The following QTMAN variants were observed in gnomAD, a reference collection of about 807,000 sequenced individuals.
QTMAN encodes the protein tRNA-queuosine alpha-mannosyltransferase.
chr2:144,227,663 G>A, the QTMAN span, among the ~76,000 whole-genome samples: 14 of 152,128 alleles, frequency 9.2e-5, no homozygotes, highest in Non-Finnish European at 1.9e-4. Flanking sequence ...CAACACATAT[G>A]CACTAACTGT....
the QTMAN span, among the ~76,000 whole-genome samples, chr2:144,298,009 G>A: frequency 6.6e-6 from 1 of 151,510 alleles, no homozygotes; most frequent in Non-Finnish European, 1.5e-5. Flanking sequence ...CGACTACATA[G>A]AAGAATATTT....
At chr2:144,144,741 T>C in the QTMAN span, among the ~76,000 whole-genome samples, 4 of 151,964 alleles carry the variant, frequency 2.6e-5, no homozygotes, top group Non-Finnish European at 5.9e-5. Flanking sequence ...GCCATTTTTC[T>C]ATGTCAACTA....
At chr2:144,219,389 C>G in the QTMAN span, among the ~76,000 whole-genome samples, 1 of 152,274 alleles carries the variant, frequency 6.6e-6, no homozygotes, top group Non-Finnish European at 1.5e-5. Flanking sequence ...TCTCGGCCTC[C>G]CAAAGTGCTG....
the QTMAN span, among the ~76,000 whole-genome samples, chr2:144,276,215 A>T: frequency 2.1e-3 from 321 of 149,378 alleles, no homozygotes; most frequent in African/African-American, 6.0e-3. Context: ...GGTTTTTTTT[A>T]AAAAAAAAAG....
At chr2:144,098,903 C>T in the QTMAN span, among the ~76,000 whole-genome samples, 1 of 150,986 alleles carries the variant, frequency 6.6e-6, no homozygotes. Context: ...AGTGATGGTG[C>T]TACAGCTCCG....
chr2:144,301,823 G>A, the QTMAN span, among the ~76,000 whole-genome samples: 2 of 152,184 alleles, frequency 1.3e-5, no homozygotes, highest in African/African-American at 4.8e-5. Context: ...TCCTCCAGGA[G>A]GCATGTCTTC....
chr2:143,999,356 AT>A, the QTMAN span, among the ~76,000 whole-genome samples: 1 of 151,876 alleles, frequency 6.6e-6, no homozygotes, highest in African/African-American at 2.4e-5. Flanking sequence ...GAGAAATATA[AT>A]GATGACTACC....
chr2:144,015,137 A>G, the QTMAN span, among the ~76,000 whole-genome samples: 3 of 152,214 alleles, frequency 2.0e-5, no homozygotes, highest in African/African-American at 7.2e-5. Flanking sequence ...TGAGAATAAG[A>G]AAAGCTACCT....
At chr2:144,040,544 A>G in the QTMAN span, among the ~76,000 whole-genome samples, 1 of 152,288 alleles carries the variant, frequency 6.6e-6, no homozygotes, top group Non-Finnish European at 1.5e-5. Context: ...AGTGAGCTAT[A>G]TACGTCGCTA....
At chr2:144,053,473 T>C in the QTMAN span, among the ~76,000 whole-genome samples, 1 of 152,224 alleles carries the variant, frequency 6.6e-6, no homozygotes, top group Non-Finnish European at 1.5e-5. Flanking sequence ...TATTATTATA[T>C]CCTCAGCTGC....
At chr2:144,051,189 G>A in the QTMAN span, among the ~76,000 whole-genome samples, 1 of 151,684 alleles carries the variant, frequency 6.6e-6, no homozygotes, top group Non-Finnish European at 1.5e-5. Context: ...ACTTACATAC[G>A]GTTTATATAG....
At chr2:144,176,378 T>C in the QTMAN span, among the ~76,000 whole-genome samples, 2 of 152,076 alleles carry the variant, frequency 1.3e-5, no homozygotes, top group Admixed American at 6.6e-5. Flanking sequence ...TAATAAAATA[T>C]GTACAGTTCA....
the QTMAN span, among the ~76,000 whole-genome samples, chr2:143,977,491 T>A: frequency 1.3e-5 from 2 of 151,924 alleles, no homozygotes. Context: ...CTCCACAGAG[T>A]GAATGTCTGA....
At chr2:144,020,672 G>A in the QTMAN span, among the ~76,000 whole-genome samples, 1 of 152,126 alleles carries the variant, frequency 6.6e-6, no homozygotes, top group African/African-American at 2.4e-5. Flanking sequence ...TTTGAGCAGT[G>A]GGGCGCTGAA....
chr2:144,312,868 A>C, the QTMAN span, among the ~76,000 whole-genome samples: 1 of 152,186 alleles, frequency 6.6e-6, no homozygotes, highest in Non-Finnish European at 1.5e-5. Context: ...CCCTTCCACC[A>C]TAACTGTAAG....
At chr2:144,222,616 C>T in the QTMAN span, among the ~76,000 whole-genome samples, 1 of 151,554 alleles carries the variant, frequency 6.6e-6, no homozygotes, top group African/African-American at 2.4e-5. Context: ...ACCATCTTGG[C>T]TAACACGGTG....
the QTMAN span, among the ~76,000 whole-genome samples, chr2:144,088,520 C>T: frequency 2.0e-5 from 3 of 151,976 alleles, no homozygotes; most frequent in Non-Finnish European, 4.4e-5. Flanking sequence ...CAAAACATTC[C>T]TAGGCAAAAA....
At chr2:143,989,387 GAT>G in the QTMAN span, among the ~76,000 whole-genome samples, 1 of 152,080 alleles carries the variant, frequency 6.6e-6, no homozygotes, top group Non-Finnish European at 1.5e-5. Context: ...AAGATAAACA[GAT>G]ACTCAAGGAA....
At chr2:144,100,068 C>T in the QTMAN span, among the ~76,000 whole-genome samples, 1 of 152,182 alleles carries the variant, frequency 6.6e-6, no homozygotes, top group Non-Finnish European at 1.5e-5. Flanking sequence ...TGGTACACCA[C>T]ATGCAAAAAG....
Sources: gnomAD v4.1 joint callset for allele counts (sites outside exome capture counted in the v4.1 genomes callset) on GRCh38, gnomAD v4.1.1 for gene constraint, MANE v1.5 for transcripts, NCBI Gene and HGNC (gene_info 2026-07-23, HGNC 2026-07-21) for gene names.